Variants in NGEF observed in about 807,000 individuals in gnomAD.
NGEF encodes the protein neuronal guanine nucleotide exchange factor.
In NGEF, 31 loss-of-function variants were observed where a neutral mutation model predicts 80.9. That is an observed-to-expected ratio of 0.38 (90% CI 0.29 to 0.52). The LOEUF (loss-of-function observed/expected upper bound fraction) is 0.52. Ranked by LOEUF, NGEF falls within the 20% of genes least tolerant of loss-of-function variation. NGEF has a pLI of 0.84. For synonymous variants in NGEF, 371 were observed against 370.2 expected (o/e 1.00, Z -0.03); for missense variants, 709 against 926.2 (o/e 0.77, Z 3.04).
intron 5 of NGEF, among the ~76,000 whole-genome samples, chr2:232,895,145 G>A (rs537331778): frequency 6.6e-6 from 1 of 152,270 alleles, no homozygotes; most frequent in East Asian, 1.9e-4. Flanking sequence ...AAGGTGACAG[G>A]GCACGGAGGC....
At chr2:232,953,719 G>A (rs567589545) in intron 3 of NGEF, among the ~76,000 whole-genome samples, 1 of 152,186 alleles carries the variant, frequency 6.6e-6, no homozygotes, top group African/African-American at 2.4e-5. Context: ...GAGGTGACTG[G>A]GGCCCGGGAG....
At chr2:232,956,107 T>G (rs1693823516) in intron 3 of NGEF, among the ~76,000 whole-genome samples, 1 of 152,160 alleles carries the variant, frequency 6.6e-6, no homozygotes, top group Admixed American at 6.5e-5. Flanking sequence ...CTCCTTTCCT[T>G]GTAAATATGA....
intron 3 of NGEF, among the ~76,000 whole-genome samples, chr2:232,953,841 G>A (rs1381045022): frequency 6.6e-6 from 1 of 152,086 alleles, no homozygotes; most frequent in Non-Finnish European, 1.5e-5. Context: ...GGGAAGCGGT[G>A]GCTAAATGTC....
At chr2:232,885,411 T>C (rs764251674) in intron 9 of NGEF, 42 bp from the exon 10 acceptor site, 4 of 1,552,422 alleles carry the variant, frequency 2.6e-6, no homozygotes, top group Non-Finnish European at 3.6e-6. Flanking sequence ...CAAAGCCGGC[T>C]GTCCCGGCCC....
intron 5 of NGEF, 88 bp downstream of exon 5, chr2:232,920,196 C>G: frequency 7.6e-7 from 1 of 1,317,566 alleles, no homozygotes; most frequent in Non-Finnish European, 1.0e-6. Flanking sequence ...AGCCAGGGAA[C>G]CTCACCCCCC....
chr2:232,983,226 A>G (rs1694472630), intron 1 of NGEF, among the ~76,000 whole-genome samples: 4 of 151,126 alleles, frequency 2.6e-5, no homozygotes, highest in Admixed American at 6.6e-5. Flanking sequence ...GGAGAAGGGA[A>G]ACTTGGAGCA....
intron 3 of NGEF, among the ~76,000 whole-genome samples, chr2:232,964,982 A>G (rs2106316748): frequency 6.6e-6 from 1 of 152,358 alleles, no homozygotes; most frequent in East Asian, 1.9e-4. Flanking sequence ...ACCTGTGTAA[A>G]AATTCATCAA....
chr2:232,938,741 GAAAA>G (rs60179308), intron 3 of NGEF, among the ~76,000 whole-genome samples: 1 of 121,176 alleles, frequency 8.3e-6, no homozygotes, highest in Non-Finnish European at 1.6e-5. Flanking sequence ...CCTGTCTTAA[GAAAA>G]AAAAAAAAAA....
intron 1 of NGEF, among the ~76,000 whole-genome samples, chr2:232,993,203 T>TATC: frequency 7.3e-6 from 1 of 136,564 alleles, no homozygotes; most frequent in East Asian, 2.1e-4. Context: ...TATTTATATA[T>TATC]ATATTTGCCC....
chr2:232,995,615 A>G (rs1471030703), intron 1 of NGEF, among the ~76,000 whole-genome samples: 1 of 134,944 alleles, frequency 7.4e-6, no homozygotes, highest in Non-Finnish European at 1.5e-5. Context: ...TACAGTATGT[A>G]TACGTATGTA....
intron 3 of NGEF, among the ~76,000 whole-genome samples, chr2:232,940,977 G>A (rs1347889247): frequency 6.6e-6 from 1 of 152,142 alleles, no homozygotes; most frequent in Admixed American, 6.5e-5. Flanking sequence ...AGTAATTCAC[G>A]CAGAGCTGGG....
intron 1 of NGEF, among the ~76,000 whole-genome samples, chr2:232,999,682 C>T (rs1694928925): frequency 1.3e-5 from 2 of 152,236 alleles, no homozygotes; most frequent in South Asian, 2.1e-4. Context: ...TGGGCAAGTT[C>T]TGCCACCCCA....
At chr2:232,982,622 T>C (rs1694457027) in intron 1 of NGEF, among the ~76,000 whole-genome samples, 1 of 152,220 alleles carries the variant, frequency 6.6e-6, no homozygotes. Flanking sequence ...CAAGCGATTC[T>C]CCTGCCTCTG....
intron 3 of NGEF, among the ~76,000 whole-genome samples, chr2:232,951,575 T>C (rs945397262): frequency 2.0e-5 from 3 of 152,220 alleles, no homozygotes; most frequent in Non-Finnish European, 4.4e-5. Flanking sequence ...TGTCAGGCTT[T>C]AGGGGCCGCC....
chr2:232,997,674 G>A (rs1694882616), intron 1 of NGEF, among the ~76,000 whole-genome samples: 1 of 152,120 alleles, frequency 6.6e-6, no homozygotes, highest in African/African-American at 2.4e-5. Context: ...CTTCAGGCAA[G>A]GCTCTGGCGA....
At chr2:232,879,993 G>A (rs1314932969) in intron 14 of NGEF, among the ~76,000 whole-genome samples, 6 of 152,156 alleles carry the variant, frequency 3.9e-5, no homozygotes, top group African/African-American at 1.4e-4. Flanking sequence ...AGACCCCAAG[G>A]GCCACTCCAA....
chr2:232,890,258 G>C (rs956407375), intron 8 of NGEF, among the ~76,000 whole-genome samples: 2 of 140,782 alleles, frequency 1.4e-5, no homozygotes, highest in Non-Finnish European at 3.2e-5. Context: ...GGGCCTGTCA[G>C]GTGGAGGGGG....
chr2:232,936,964 AT>A (rs1188590456), intron 3 of NGEF, among the ~76,000 whole-genome samples: 11 of 146,072 alleles, frequency 7.5e-5, no homozygotes, highest in African/African-American at 2.6e-4. Flanking sequence ...GATTTATTTT[AT>A]TTTATTTATT....
chr2:232,996,255 G>C (rs367910660), intron 1 of NGEF, among the ~76,000 whole-genome samples: 2 of 152,102 alleles, frequency 1.3e-5, no homozygotes, highest in African/African-American at 2.4e-5. Flanking sequence ...TTGAACCCAG[G>C]AGGCAGAGGT....
Sources: gnomAD v4.1 joint callset for allele counts (sites outside exome capture counted in the v4.1 genomes callset) on GRCh38, gnomAD v4.1.1 for gene constraint, MANE v1.5 for transcripts, NCBI Gene and HGNC (gene_info 2026-07-23, HGNC 2026-07-21) for gene names.